The following EYS variants were observed in gnomAD, a reference collection of about 807,000 sequenced individuals.
EYS encodes EGF-like photoreceptor maintenance factor.
A neutral mutation model predicts 282.1 loss-of-function variants in EYS; 250 were observed. The observed-to-expected ratio is 0.89, with a 90% CI of 0.80 to 0.98. The LOEUF is 0.98. Among genes scored for constraint, EYS ranks in the 50% least tolerant of loss-of-function variants. The pLI, the probability that EYS is intolerant of heterozygous loss-of-function variation, is 0.00. For synonymous variants in EYS, 1,355 were observed against 1,282.9 expected (o/e 1.06, Z -1.20); for missense variants, 4,016 against 3,709.0 (o/e 1.08, Z -2.15).
At chr6:65,232,545 A>G (rs1766810314) in intron 12 of EYS, among the ~76,000 whole-genome samples, 1 of 152,092 alleles carries the variant, frequency 6.6e-6, no homozygotes. Context: ...AGATTTGCTG[A>G]AAAGTTACAA....
chr6:64,393,661 C>A (rs1274205227), intron 28 of EYS, among the ~76,000 whole-genome samples: 1 of 151,312 alleles, frequency 6.6e-6, no homozygotes, highest in African/African-American at 2.4e-5. Context: ...TATGACAAAC[C>A]CACAGCCAAT....
At chr6:65,015,305 T>C (rs975159377) in intron 13 of EYS, among the ~76,000 whole-genome samples, 2 of 152,218 alleles carry the variant, frequency 1.3e-5, no homozygotes, top group African/African-American at 4.8e-5. Flanking sequence ...CTTGTGTTAA[T>C]ATGTAATGTG....
chr6:64,616,150 G>T lies in EYS; in HGVS notation c.3684+1268C>A, dbSNP rs193175313. Among the ~76,000 whole-genome samples, 58 of 152,064 alleles carry T rather than the reference G, an allele frequency of 3.8e-4. 1 individual carries two copies. The South Asian group carries it at 5.2e-3, about 14-fold the overall frequency. The stretch of plus-strand genomic sequence containing the variant: ...TTTTCTAAGTTATTTAGATTCCTAC[G>T]TATCTAAGGCTGCACTGGCAGAAGA... On this transcript the variant is annotated intron_variant, in intron 24 of 42. Coordinates refer to ENST00000503581, the MANE Select transcript of EYS (RefSeq NM_001142800.2).
intron 19 of EYS, among the ~76,000 whole-genome samples, chr6:64,884,845 T>C (rs1214358117): frequency 2.6e-5 from 4 of 151,700 alleles, no homozygotes; most frequent in African/African-American, 9.7e-5. Context: ...TGGTACACTT[T>C]TAATTTCTTA....
At chr6:64,923,242 G>A (rs1768408802) in intron 15 of EYS, among the ~76,000 whole-genome samples, 2 of 152,092 alleles carry the variant, frequency 1.3e-5, no homozygotes, top group South Asian at 4.1e-4. Context: ...TTACATGGTG[G>A]TGGCAAGAGA....
intron 22 of EYS, among the ~76,000 whole-genome samples, chr6:64,714,335 A>G (rs1327527651): frequency 6.6e-6 from 1 of 152,164 alleles, no homozygotes; most frequent in Non-Finnish European, 1.5e-5. Context: ...CTTTTCCCAG[A>G]TAAGGAATAA....
intron 29 of EYS, among the ~76,000 whole-genome samples, chr6:64,345,019 A>G (rs540225546): frequency 1.3e-5 from 2 of 152,134 alleles, no homozygotes; most frequent in Admixed American, 6.6e-5. Flanking sequence ...TTCAAGGAGA[A>G]CTACAAACCG....
At chr6:64,555,531 GTTAA>G (rs1393889014) in intron 26 of EYS, among the ~76,000 whole-genome samples, 1 of 151,824 alleles carries the variant, frequency 6.6e-6, no homozygotes, top group Non-Finnish European at 1.5e-5. Flanking sequence ...TAATGCATGT[GTTAA>G]TTATCTTGAC....
intron 14 of EYS, among the ~76,000 whole-genome samples, chr6:64,969,370 C>T (rs1450287425): frequency 6.6e-6 from 1 of 152,132 alleles, no homozygotes; most frequent in Non-Finnish European, 1.5e-5. Context: ...TTGTGAGGAA[C>T]AGTGGGAGTG....
intron 29 of EYS, among the ~76,000 whole-genome samples, chr6:64,319,954 A>G (rs1770144960): frequency 6.6e-6 from 1 of 151,956 alleles, no homozygotes; most frequent in African/African-American, 2.4e-5. Context: ...ACACCTGAAG[A>G]GCTTCCTTTA....
At chr6:65,544,414 C>T (rs1411859) in intron 2 of EYS, among the ~76,000 whole-genome samples, 112,937 of 151,512 alleles carry the variant, frequency 0.75, 42,861 homozygotes, top group African/African-American at 0.89. Flanking sequence ...TGTTCCCTCC[C>T]AAATCTCATC....
intron 22 of EYS, among the ~76,000 whole-genome samples, chr6:64,725,684 C>T (rs986972124): frequency 1.3e-5 from 2 of 152,056 alleles, no homozygotes; most frequent in Admixed American, 6.6e-5. Flanking sequence ...CATCACCATC[C>T]ACCAAGACCT....
chr6:65,161,966 T>C (rs1417665519), intron 12 of EYS, among the ~76,000 whole-genome samples: 1 of 151,268 alleles, frequency 6.6e-6, no homozygotes, highest in Non-Finnish European at 1.5e-5. Context: ...GTAATCTATG[T>C]GAAAATTTGG....
At chr6:65,280,883 T>A (rs1237534589) in intron 12 of EYS, among the ~76,000 whole-genome samples, 8 of 146,406 alleles carry the variant, frequency 5.5e-5, no homozygotes, top group East Asian at 2.0e-4. Context: ...TATATATATA[T>A]AAATCAGCTG....
chr6:64,122,767 T>C (rs988272655), intron 31 of EYS, among the ~76,000 whole-genome samples: 2 of 150,462 alleles, frequency 1.3e-5, no homozygotes, highest in African/African-American at 5.0e-5. Flanking sequence ...TAAAGATTAA[T>C]TCTTCGTAGA....
intron 36 of EYS, among the ~76,000 whole-genome samples, chr6:63,827,479 C>T (rs947790192): frequency 2.0e-5 from 3 of 152,194 alleles, no homozygotes; most frequent in African/African-American, 7.2e-5. Context: ...TTCTATTCAA[C>T]AGTTCTGGAA....
intron 24 of EYS, among the ~76,000 whole-genome samples, chr6:64,594,862 A>C (rs1272955891): frequency 1.3e-5 from 2 of 151,676 alleles, no homozygotes; most frequent in African/African-American, 4.8e-5. Context: ...TTAAAAAATT[A>C]TATAAAAAAA....
chr6:65,312,024 A>G (rs1769174463), intron 11 of EYS, among the ~76,000 whole-genome samples: 1 of 152,022 alleles, frequency 6.6e-6, no homozygotes, highest in Non-Finnish European at 1.5e-5. Flanking sequence ...TATAGGATAT[A>G]GCCAGTGACA....
chr6:64,835,916 T>C (rs966705180), intron 19 of EYS, among the ~76,000 whole-genome samples: 1 of 151,646 alleles, frequency 6.6e-6, no homozygotes, highest in African/African-American at 2.4e-5. Context: ...ATGATGATAT[T>C]AGCAATAAAA....
Sources: allele counts gnomAD v4.1 joint callset (sites outside exome capture counted in the v4.1 genomes callset), GRCh38; gene constraint gnomAD v4.1.1; transcripts MANE v1.5; gene names NCBI Gene and HGNC (gene_info 2026-07-23, HGNC 2026-07-21).